WDR49: variants seen among roughly 807,000 people sequenced by gnomAD.
The protein encoded by WDR49 is cilia- and flagella-associated protein 337.
A neutral mutation model predicts 119.5 loss-of-function variants in WDR49; 107 were observed. The ratio of observed to expected loss-of-function variants is 0.90; its 90% CI spans 0.77 to 1.05. The LOEUF is 1.05. Among genes scored for constraint, WDR49 ranks in the 50% least tolerant of loss-of-function variants. WDR49 has a pLI of 0.00. For synonymous variants in WDR49, 425 were observed against 418.8 expected, an observed-to-expected ratio of 1.01 and a Z score of -0.18; for missense variants, 1,240 against 1,220.5, an observed-to-expected ratio of 1.02 and a Z score of -0.24.
In WDR49 at chr3:167,576,119, C is replaced by T; in HGVS notation, c.1308G>A (p.Leu436=). Reference sequence around the variant, plus strand: ...AAGAACAAGCTATCCTCTGGATGGACAGCTGGTGTTGAATATCCCAGAGTC... The same window carrying T: ...AAGAACAAGCTATCCTCTGGATGGATAGCTGGTGTTGAATATCCCAGAGTC... The part of the protein sequence containing the change: ...VLRLWDIQHQ[L]SIQRIACSFP... The change falls in exon 8 of 19, where the codon CTG becomes CTA. Residue 436 remains leucine, a synonymous_variant. Transcript: ENST00000682715. 1 of 1,614,038 alleles carries T rather than the reference C, an allele frequency of 6.2e-7. No individual in the cohort carries two copies. The highest frequency in any genetic ancestry group is 8.5e-7 in the Non-Finnish European group (1 of 1,179,980).
intron 8 of WDR49, among the ~76,000 whole-genome samples, chr3:167,560,974 G>C (rs899162336): frequency 6.6e-6 from 1 of 151,474 alleles, no homozygotes; most frequent in Non-Finnish European, 1.5e-5. Context: ...AAACCACCTA[G>C]CTAATATGAC....
intron 2 of WDR49, among the ~76,000 whole-genome samples, chr3:167,629,864 G>C (rs1717290800): frequency 1.3e-5 from 2 of 152,080 alleles, no homozygotes; most frequent in Non-Finnish European, 2.9e-5. Context: ...TGATTGAATT[G>C]CTGCAATCTC....
In WDR49 at chr3:167,627,291, G is replaced by T; in HGVS notation, c.167C>A (p.Ser56Tyr). ...DFVKIQKAFE[S>Y]PQPRKIICMS... ...ACAAATGATTTTCCTTGGCTGTGGG[G>T]ACTAGAAACAGGAATCCAAAAACAA... is the stretch of plus-strand genomic sequence containing the variant. The change falls in exon 3 of 19, where the codon TCC becomes TAC. Residue 56 changes from serine (S) to tyrosine (Y), a missense_variant and splice_region_variant. Ser to Tyr is a moderately radical substitution (Grantham distance 144, BLOSUM62 -2). Transcript: ENST00000682715. 1 of 1,234,736 alleles carries T rather than the reference G, an allele frequency of 8.1e-7. No homozygotes were observed. Among genetic ancestry groups the T allele is most frequent in the East Asian group, 3.2e-5 (1 of 31,704 alleles). The allele number at this position is 1,234,736 out of a possible 1,614,324, so 76.5% of individuals were successfully genotyped here.
chr3:167,561,188 A>C (rs375529749), intron 8 of WDR49, among the ~76,000 whole-genome samples: 19 of 152,220 alleles, frequency 1.2e-4, no homozygotes, highest in African/African-American at 3.9e-4. Flanking sequence ...GAAGTTTATC[A>C]AATGTATATT....
chr3:167,527,106 G>C (rs558645562), intron 15 of WDR49, among the ~76,000 whole-genome samples: 178 of 152,206 alleles, frequency 1.2e-3, no homozygotes, highest in African/African-American at 3.9e-3. Context: ...GAGCAAGTCA[G>C]ATCTTGAGAA....
At chr3:167,563,751 A>C (rs1464068298) in intron 8 of WDR49, among the ~76,000 whole-genome samples, 2 of 152,230 alleles carry the variant, frequency 1.3e-5, no homozygotes, top group Admixed American at 6.6e-5. Context: ...CTTTATGTTG[A>C]AACATTCAAA....
chr3:167,530,037 A>G (rs1227402459), intron 13 of WDR49, among the ~76,000 whole-genome samples: 1 of 152,086 alleles, frequency 6.6e-6, no homozygotes, highest in African/African-American at 2.4e-5. Flanking sequence ...TAAAATTAGT[A>G]TTGAGGAAAT....
intron 10 of WDR49, among the ~76,000 whole-genome samples, chr3:167,547,913 A>C (rs1417256688): frequency 2.0e-5 from 3 of 152,074 alleles, no homozygotes; most frequent in East Asian, 1.9e-4. Context: ...AAATACAAAA[A>C]GCCTTTTCAA....
chr3:167,526,530 C>T (rs545884333), intron 15 of WDR49, among the ~76,000 whole-genome samples: 7 of 152,256 alleles, frequency 4.6e-5, no homozygotes, highest in African/African-American at 1.7e-4. Flanking sequence ...CCAGCCATGT[C>T]CCACCCTGTC....
At chr3:167,621,675 A>G in intron 3 of WDR49, 32 bp from the exon 4 acceptor site, 1 of 1,495,574 alleles carries the variant, frequency 6.7e-7, no homozygotes, top group Non-Finnish European at 8.9e-7. Context: ...TCAGAAAGTA[A>G]TTCTGATGGA....
chr3:167,528,781 A>G (rs1752732476), intron 14 of WDR49, among the ~76,000 whole-genome samples: 1 of 152,062 alleles, frequency 6.6e-6, no homozygotes, highest in Non-Finnish European at 1.5e-5. Context: ...TTTACATTCA[A>G]ATAATGCTGC....
At chr3:167,581,982 A>G (rs1714550496) in intron 7 of WDR49, among the ~76,000 whole-genome samples, 1 of 152,102 alleles carries the variant, frequency 6.6e-6, no homozygotes, top group Admixed American at 6.6e-5. Context: ...CCTGTTAGAG[A>G]TAGATATAAA....
At position 167,536,712 on chromosome 3, in the gene WDR49, C is replaced by T. The variant is rs796668410; in HGVS notation, c.1954+158G>A. On this transcript the variant is annotated intron_variant, in intron 11 of 18. Transcript: ENST00000682715. ...ATATATATATATATATATACACACACATATATATATATATATATATACACA... is the reference window on the plus strand; with the variant it reads ...ATATATATATATATATATACACACATATATATATATATATATATATACACA... Among the ~76,000 whole-genome samples, 45 of 136,872 alleles carry T rather than the reference C, an allele frequency of 3.3e-4. No individual in the cohort carries two copies. The highest frequency in any genetic ancestry group is 1.2e-3 in the South Asian group (5 of 4,316). 89.8% of individuals were successfully genotyped at this position (136,872 alleles called of 152,430 possible).
intron 3 of WDR49, among the ~76,000 whole-genome samples, chr3:167,625,991 G>A (rs541293297): frequency 1.0e-3 from 156 of 151,016 alleles, no homozygotes; most frequent in African/African-American, 3.6e-3. Context: ...AACCATTCAC[G>A]ATGTTTGGAC....
chr3:167,532,892 T>C lies in WDR49; in HGVS notation c.2040A>G (p.Leu680=). 5 of 1,609,038 alleles carry C rather than the reference T, an allele frequency of 3.1e-6. No individual in the cohort carries two copies. Among genetic ancestry groups the C allele is most frequent in the Middle Eastern group, 3.3e-4 (2 of 6,030 alleles). ...HVLHPDYQRL[L]KSKLDTKPQK... ...ACTCACACTTACCTAATTTTGACTT[T>C]AGCAACCTCTGGTAATCAGGGTGAA... Residue 680 remains leucine, a synonymous_variant, in exon 12 of 19, where the codon CTA becomes CTG. Transcript: ENST00000682715.
intron 7 of WDR49, among the ~76,000 whole-genome samples, chr3:167,598,518 T>C (rs1715605700): frequency 6.6e-6 from 1 of 152,074 alleles, no homozygotes; most frequent in African/African-American, 2.4e-5. Flanking sequence ...TGAGATCTTA[T>C]TGTTTAAAAG....
At chr3:167,587,278 C>G (rs1714867761) in intron 7 of WDR49, among the ~76,000 whole-genome samples, 1 of 151,990 alleles carries the variant, frequency 6.6e-6, no homozygotes, top group Admixed American at 6.6e-5. Context: ...GGAAATGAAA[C>G]AAAGTGCTAA....
intron 7 of WDR49, among the ~76,000 whole-genome samples, chr3:167,594,695 G>T (rs532223491): frequency 6.6e-6 from 1 of 151,908 alleles, no homozygotes; most frequent in African/African-American, 2.4e-5. Context: ...TCTCAATAAA[G>T]TAGGTATTGA....
At chr3:167,630,975 C>T (rs556551096) in intron 2 of WDR49, among the ~76,000 whole-genome samples, 25 of 152,132 alleles carry the variant, frequency 1.6e-4, no homozygotes, top group African/African-American at 5.8e-4. Flanking sequence ...AGCACTCCAC[C>T]ACCACACTTG....
Sources: gnomAD v4.1 joint callset for allele counts (sites outside exome capture counted in the v4.1 genomes callset) on GRCh38, gnomAD v4.1.1 for gene constraint, MANE v1.5 for transcripts, NCBI Gene and HGNC (gene_info 2026-07-23, HGNC 2026-07-21) for gene names.